DCC: variants seen among roughly 807,000 people sequenced by gnomAD.
DCC encodes DCC netrin 1 receptor, also known as netrin receptor DCC.
In DCC, 58 loss-of-function variants were observed where a neutral mutation model predicts 172.5. That is an observed-to-expected ratio of 0.34 (90% confidence interval 0.27 to 0.42). The LOEUF (loss-of-function observed/expected upper bound fraction) is 0.42. Among genes scored for constraint, DCC ranks in the 10% least tolerant of loss-of-function variants. The pLI, the probability that DCC is intolerant of heterozygous loss-of-function variation, is 1.00. For missense variants in DCC, 1,740 were observed against 1,791.0 expected (o/e 0.97, Z 0.51); for synonymous variants, 709 against 644.5 (o/e 1.10, Z -1.52).
At chr18:52,792,975 T>A (rs1326643614) in intron 2 of DCC, among the ~76,000 whole-genome samples, 2 of 152,108 alleles carry the variant, frequency 1.3e-5, no homozygotes, top group African/African-American at 4.8e-5. Context: ...CACAGACACA[T>A]GTGGGTGGGT....
chr18:52,547,327 A>T (rs1471430309), intron 1 of DCC, among the ~76,000 whole-genome samples: 1 of 152,280 alleles, frequency 6.6e-6, no homozygotes, highest in South Asian at 2.1e-4. Flanking sequence ...TTGATCATGG[A>T]ACTATTGTAA....
chr18:52,843,926 T>C (rs573752982), intron 2 of DCC, among the ~76,000 whole-genome samples: 36 of 152,124 alleles, frequency 2.4e-4, no homozygotes, highest in Non-Finnish European at 4.3e-4. Flanking sequence ...AGTTTTTATA[T>C]ACAACTTTAA....
intron 1 of DCC, among the ~76,000 whole-genome samples, chr18:52,558,950 A>T (rs1035923563): frequency 6.6e-6 from 1 of 152,180 alleles, no homozygotes; most frequent in African/African-American, 2.4e-5. Flanking sequence ...CGGGTGATGT[A>T]GTTTGCTTAC....
intron 5 of DCC, among the ~76,000 whole-genome samples, chr18:52,978,351 T>C (rs1045471892): frequency 6.6e-6 from 1 of 151,960 alleles, no homozygotes; most frequent in Non-Finnish European, 1.5e-5. Context: ...AACAGAGAAG[T>C]GGGCAACACC....
intron 1 of DCC, among the ~76,000 whole-genome samples, chr18:52,565,648 A>C (rs759526067): frequency 6.6e-6 from 1 of 152,152 alleles, no homozygotes; most frequent in Non-Finnish European, 1.5e-5. Context: ...TCTTTTGAGA[A>C]GTGTCTCTTC....
At chr18:52,367,244 C>G (rs567515806) in intron 1 of DCC, among the ~76,000 whole-genome samples, 5 of 152,318 alleles carry the variant, frequency 3.3e-5, no homozygotes, top group African/African-American at 9.6e-5. Context: ...CCAGCTGGCC[C>G]GCAAGTGCCG....
chr18:53,231,971 T>G (rs533332508), intron 12 of DCC, among the ~76,000 whole-genome samples: 1 of 152,248 alleles, frequency 6.6e-6, no homozygotes, highest in African/African-American at 2.4e-5. Context: ...ATGCTTGAAC[T>G]TTTCTAATGA....
At chr18:52,577,513 T>A (rs2033442256) in intron 1 of DCC, among the ~76,000 whole-genome samples, 1 of 152,094 alleles carries the variant, frequency 6.6e-6, no homozygotes, top group Non-Finnish European at 1.5e-5. Flanking sequence ...AATTCTTAAG[T>A]TGATGGTTCC....
At chr18:53,088,182 AT>A (rs1221355457) in intron 7 of DCC, among the ~76,000 whole-genome samples, 9 of 152,114 alleles carry the variant, frequency 5.9e-5, no homozygotes. Flanking sequence ...GAATCTATAA[AT>A]TTCCTTGGGC....
chr18:53,511,553 T>C (rs1301408315), intron 27 of DCC, among the ~76,000 whole-genome samples: 10 of 152,238 alleles, frequency 6.6e-5, no homozygotes, highest in Admixed American at 4.6e-4. Context: ...AGGTACCGGG[T>C]TCATCTCACT....
At chr18:53,450,771 C>A in intron 23 of DCC, 109 bp downstream of exon 23, 1 of 947,264 alleles carries the variant, frequency 1.1e-6, no homozygotes, top group Non-Finnish European at 1.7e-6. Context: ...GTCCTTACTT[C>A]CTAACCCTGG....
chr18:53,328,733 C>T (rs1448720484), intron 14 of DCC, among the ~76,000 whole-genome samples: 1 of 152,108 alleles, frequency 6.6e-6, no homozygotes, highest in Non-Finnish European at 1.5e-5. Context: ...CAGGGTTTCA[C>T]CACGTGGGCC....
rs532304488 is a variant in DCC at position 53,111,055 on chromosome 18, A to G, written c.1261+44889A>G. On this transcript the variant is annotated intron_variant, in intron 7 of 28. Coordinates refer to ENST00000442544, the MANE Select transcript of DCC (RefSeq NM_005215.4). ...AAAATGTGGCACATATACACCATGG[A>G]ATACTATGCAGCCATAAAAAATGAT... Among the ~76,000 whole-genome samples the G allele has an allele frequency of 6.2e-5, 9 of 146,238 alleles. No homozygotes were observed. The East Asian group carries it at 1.2e-3, about 20-fold the overall frequency.
chr18:52,874,108 A>T (rs1419144518), intron 2 of DCC, among the ~76,000 whole-genome samples: 3 of 152,148 alleles, frequency 2.0e-5, no homozygotes, highest in South Asian at 2.1e-4. Context: ...TAAATTCCTT[A>T]TGGCTACCCC....
At chr18:52,442,682 C>A (rs566099670) in intron 1 of DCC, among the ~76,000 whole-genome samples, 4 of 152,296 alleles carry the variant, frequency 2.6e-5, no homozygotes, top group African/African-American at 9.6e-5. Context: ...CTAAAATTTA[C>A]AGATTGAGAA....
chr18:53,533,915 C>T lies in DCC; in HGVS notation c.*3262C>T, dbSNP rs533730888. On this transcript the variant is annotated 3_prime_UTR_variant, in exon 29 of 29. Transcript: ENST00000442544. ...TTGGTTCCAGCTACACAAGGAGAGC[C>T]ATCCTGTGCTAGTGTGATGTTTCAG... is the stretch of plus-strand genomic sequence containing the variant. 6.6e-6 allele frequency: 1 copy of T among 152,282 alleles called. No homozygotes were observed. Among genetic ancestry groups the T allele is most frequent in the African/African-American group, 2.4e-5 (1 of 41,562 alleles). 9.4% of individuals were successfully genotyped at this position (152,282 alleles called of 1,614,324 possible).
intron 1 of DCC, among the ~76,000 whole-genome samples, chr18:52,429,942 G>A (rs1987566400): frequency 6.6e-6 from 1 of 152,142 alleles, no homozygotes; most frequent in African/African-American, 2.4e-5. Context: ...CTGGTCATGG[G>A]AGGATCAACA....
chr18:53,434,094 G>A (rs1568130128), intron 21 of DCC, among the ~76,000 whole-genome samples: 1 of 152,116 alleles, frequency 6.6e-6, no homozygotes, highest in Non-Finnish European at 1.5e-5. Flanking sequence ...GCAAAATAAA[G>A]TCACAAAACC....
chr18:52,456,481 T>A (rs1988460296), intron 1 of DCC, among the ~76,000 whole-genome samples: 1 of 152,182 alleles, frequency 6.6e-6, no homozygotes, highest in Non-Finnish European at 1.5e-5. Context: ...GTTATTTTAA[T>A]GATAACTTTG....
Sources: allele counts gnomAD v4.1 joint callset (sites outside exome capture counted in the v4.1 genomes callset), GRCh38; gene constraint gnomAD v4.1.1; transcripts MANE v1.5; gene names NCBI Gene and HGNC (gene_info 2026-07-23, HGNC 2026-07-21).